Variants in GAPVD1 observed in about 807,000 individuals in gnomAD.
GAPVD1 encodes GTPase activating protein and VPS9 domains 1, also known as GTPase-activating protein and VPS9 domain-containing protein 1.
In GAPVD1, 35 loss-of-function variants were observed where a neutral mutation model predicts 155.5. The observed-to-expected ratio is 0.23, with a 90% CI of 0.17 to 0.30. The LOEUF (loss-of-function observed/expected upper bound fraction) is 0.30. Ranked by LOEUF, GAPVD1 falls within the 10% of genes least tolerant of loss-of-function variation. GAPVD1 has a pLI of 1.00. For synonymous variants in GAPVD1, 636 were observed against 619.7 expected, an observed-to-expected ratio of 1.03 and a Z score of -0.39; for missense variants, 1,429 against 1,775.7, an observed-to-expected ratio of 0.80 and a Z score of 3.51.
intron 9 of GAPVD1, among the ~76,000 whole-genome samples, chr9:125,319,609 T>C (rs1843986150): frequency 6.7e-6 from 1 of 148,866 alleles, no homozygotes; most frequent in Admixed American, 6.7e-5. Context: ...AACTTTTTTT[T>C]TTTTTTTTTT....
chr9:125,317,034 G>A (rs1291472298), intron 9 of GAPVD1, among the ~76,000 whole-genome samples: 1 of 152,058 alleles, frequency 6.6e-6, no homozygotes, highest in Non-Finnish European at 1.5e-5. Context: ...AAATGTCCTT[G>A]ATGGGCCAGG....
chr9:125,342,028 C>T (rs1220506070), intron 18 of GAPVD1, 191 bp from the exon 19 acceptor site: 1 of 522,600 alleles, frequency 1.9e-6, no homozygotes, highest in Non-Finnish European at 3.4e-6. Context: ...ACAGATGACT[C>T]CGAAGCAGGT....
chr9:125,309,110 A>G (rs1842291474), intron 8 of GAPVD1: 1 of 152,122 alleles, frequency 6.6e-6, no homozygotes, highest in African/African-American at 2.4e-5. Context: ...CATTTTGAAG[A>G]GAGGGATTTT....
chr9:125,305,022 G>C, intron 5 of GAPVD1, 41 bp from the exon 6 acceptor site: 2 of 1,301,308 alleles, frequency 1.5e-6, no homozygotes, highest in Non-Finnish European at 2.2e-6. Context: ...GTGAGTATCT[G>C]TCTGTAGCTT....
intron 9 of GAPVD1, among the ~76,000 whole-genome samples, chr9:125,316,253 G>A (rs752331358): frequency 6.6e-6 from 1 of 151,822 alleles, no homozygotes; most frequent in South Asian, 2.1e-4. Flanking sequence ...TGTGCAGAAC[G>A]TGCAGGTTTG....
intron 12 of GAPVD1, 92 bp downstream of exon 12, chr9:125,326,681 C>T: frequency 1.2e-6 from 1 of 861,028 alleles, no homozygotes; most frequent in South Asian, 1.5e-5. Context: ...CCCTGACAAA[C>T]ATTGTGTGTG....
At chr9:125,360,843 C>A in intron 27 of GAPVD1, 118 bp downstream of exon 27, 1 of 737,932 alleles carries the variant, frequency 1.4e-6, no homozygotes, top group Non-Finnish European at 2.3e-6. Context: ...CTGGGTTACT[C>A]AGAAAGAAAG....
Position 125,365,761 on chromosome 9 carries a change from C to T in GAPVD1, c.*3015C>T, listed in dbSNP as rs544096578. ...TCTAGTGATTCTCATGGCTCAGCCT[C>T]CCTGGTTGCTCAGATTACAAGTGTA... On this transcript the variant is annotated 3_prime_UTR_variant, in exon 28 of 28. Transcript: ENST00000297933. The T allele has an allele frequency of 6.6e-6, 1 of 152,330 alleles. No individual in the cohort carries two copies. Among genetic ancestry groups the T allele is most frequent in the East Asian group, 1.9e-4 (1 of 5,182 alleles). The allele number at this position is 152,330 out of a possible 1,614,324, so 9.4% of individuals were successfully genotyped here.
At chr9:125,301,114 G>A (rs1476764349) in intron 4 of GAPVD1, among the ~76,000 whole-genome samples, 1 of 151,686 alleles carries the variant, frequency 6.6e-6, no homozygotes, top group Non-Finnish European at 1.5e-5. Flanking sequence ...GTGTCGCCCA[G>A]GCTGAAATGC....
At chr9:125,291,449 G>A (rs1838596186) in intron 2 of GAPVD1, among the ~76,000 whole-genome samples, 3 of 152,178 alleles carry the variant, frequency 2.0e-5, no homozygotes, top group Non-Finnish European at 2.9e-5. Flanking sequence ...GATTGGCCAT[G>A]GGATTTACAC....
At chr9:125,263,867 C>T (rs555327165) in intron 1 of GAPVD1, 27 of 1,366,756 alleles carry the variant, frequency 2.0e-5, no homozygotes, top group African/African-American at 2.9e-5. Flanking sequence ...AAGGTAATCC[C>T]GGAGATACTG....
intron 10 of GAPVD1, 117 bp from the exon 11 acceptor site, chr9:125,323,681 A>C: frequency 1.0e-6 from 1 of 962,358 alleles, no homozygotes; most frequent in Non-Finnish European, 1.6e-6. Context: ...TTTTTAAGGT[A>C]TAAAAAGTAT....
chr9:125,291,079 G>T (rs1177590942), intron 2 of GAPVD1, among the ~76,000 whole-genome samples: 6 of 152,078 alleles, frequency 3.9e-5, no homozygotes, highest in Non-Finnish European at 8.8e-5. Flanking sequence ...TTGAGCCCAG[G>T]AGTTTGGGAC....
At chr9:125,322,617 C>A (rs1053067243) in intron 10 of GAPVD1, among the ~76,000 whole-genome samples, 1 of 152,136 alleles carries the variant, frequency 6.6e-6, no homozygotes, top group Admixed American at 6.6e-5. Context: ...AATAATATGG[C>A]ATTAACATTT....
rs1307215093 is a variant in GAPVD1, at chr9:125,309,782, T to C, written c.1441+1902T>C. ...ATCCAAAAGTGTCATTAAATATGAG[T>C]CTGATGGAAAGTGAATTTCAAATGT... On this transcript the variant is annotated intron_variant, in intron 8 of 27. Coordinates refer to ENST00000297933, the MANE Select transcript of GAPVD1 (RefSeq NM_001282680.3). The C allele has an allele frequency of 3.3e-5, 7 of 211,998 alleles. No homozygotes were observed. In the Admixed American group the frequency reaches 3.8e-4, roughly 11 times the overall value. The allele number at this position is 211,998 out of a possible 1,614,324, so 13.1% of individuals were successfully genotyped here.
chr9:125,320,400 C>G (rs1015346900), intron 9 of GAPVD1, among the ~76,000 whole-genome samples: 2 of 152,132 alleles, frequency 1.3e-5, no homozygotes, highest in Non-Finnish European at 2.9e-5. Context: ...TCAGTCTAAG[C>G]TGGAGATGTC....
intron 22 of GAPVD1, 137 bp downstream of exon 22, chr9:125,350,541 G>A: frequency 1.4e-6 from 1 of 714,818 alleles, no homozygotes; most frequent in Non-Finnish European, 2.4e-6. Context: ...TATCACTTAA[G>A]GGCACTTTGA....
intron 23 of GAPVD1, among the ~76,000 whole-genome samples, chr9:125,351,198 A>G (rs1417844251): frequency 2.0e-5 from 3 of 152,044 alleles, no homozygotes; most frequent in Non-Finnish European, 4.4e-5. Flanking sequence ...CTTTTTCAAA[A>G]CCATCAGATC....
chr9:125,357,377 G>A (rs1850241367), intron 25 of GAPVD1, among the ~76,000 whole-genome samples: 2 of 151,918 alleles, frequency 1.3e-5, no homozygotes, highest in South Asian at 2.1e-4. Context: ...TCAGGAGTTC[G>A]AGACCAGCCT....
Sources: gnomAD v4.1 joint callset for allele counts (sites outside exome capture counted in the v4.1 genomes callset) on GRCh38, gnomAD v4.1.1 for gene constraint, MANE v1.5 for transcripts, NCBI Gene and HGNC (gene_info 2026-07-23, HGNC 2026-07-21) for gene names.